Variants in FAM25G observed in about 807,000 individuals in gnomAD.
FAM25G encodes protein FAM25G.
A neutral mutation model predicts 6.4 loss-of-function variants in FAM25G; 3 were observed. That is an observed-to-expected ratio of 0.47 (90% confidence interval 0.21 to 1.21). The LOEUF (loss-of-function observed/expected upper bound fraction) is 1.21, where lower values mean the gene tolerates loss of function less well. Among genes scored for constraint, FAM25G ranks in the 50% most tolerant of loss-of-function variants. FAM25G has a pLI of 0.22. For missense variants in FAM25G, 34 were observed against 76.0 expected (o/e 0.45, Z 2.06); for synonymous variants, 15 against 31.3 (o/e 0.48, Z 1.74).
At chr10:47,490,191 C>A (rs1338251771) in intron 1 of FAM25G, 1 of 179,474 alleles carries the variant, frequency 5.6e-6, no homozygotes, top group African/African-American at 2.4e-5. Flanking sequence ...AAACGGAATT[C>A]TCTGCCTACT....
intron 2 of FAM25G, among the ~76,000 whole-genome samples, chr10:47,488,441 C>A: frequency 6.8e-6 from 1 of 147,190 alleles, no homozygotes; most frequent in East Asian, 2.0e-4. Context: ...GAACTCCTGA[C>A]CTCAGGTGGC....
At chr10:47,487,782 T>G (rs1432178600) in intron 2 of FAM25G, among the ~76,000 whole-genome samples, 4 of 147,842 alleles carry the variant, frequency 2.7e-5, no homozygotes, top group Non-Finnish European at 5.9e-5. Context: ...GTGTTTTTTT[T>G]TTTGGCTATA....
intron 2 of FAM25G, among the ~76,000 whole-genome samples, 174 bp downstream of exon 2, chr10:47,489,412 G>A (rs1840107736): frequency 2.0e-5 from 3 of 150,790 alleles, no homozygotes; most frequent in Non-Finnish European, 3.0e-5. Context: ...GTGTCCTAAC[G>A]CAGTACAGTC....
At chr10:47,489,066 G>A (rs1276742816) in intron 2 of FAM25G, among the ~76,000 whole-genome samples, 1 of 148,296 alleles carries the variant, frequency 6.7e-6, no homozygotes, top group Non-Finnish European at 1.5e-5. Flanking sequence ...AGCCCAGGCT[G>A]GAGTGCAGTG....
At chr10:47,490,205 G>C (rs1402059911) in intron 1 of FAM25G, 1 of 176,998 alleles carries the variant, frequency 5.6e-6, no homozygotes, top group Non-Finnish European at 1.2e-5. Context: ...GCCTACTTCA[G>C]AGTTTTTTAA....
intron 1 of FAM25G, among the ~76,000 whole-genome samples, chr10:47,490,038 A>T (rs1840121504): frequency 6.7e-6 from 1 of 149,928 alleles, no homozygotes; most frequent in African/African-American, 2.5e-5. Context: ...ATGAGCAGGC[A>T]GTCTTGCCAG....
chr10:47,490,140 C>T (rs1444201175), intron 1 of FAM25G: 1 of 213,584 alleles, frequency 4.7e-6, no homozygotes, highest in African/African-American at 2.3e-5. Context: ...TCCAAAGCCT[C>T]ATCCACTAAG....
rs1160121365 is a variant in FAM25G at position 47,488,713 on chromosome 10, ATTTTTTTTTTTTTTTTT to A, written c.136+856_136+872del. Among the ~76,000 whole-genome samples the A allele has an allele frequency of 1.9e-3, 117 of 62,126 alleles. 1 individual carries two copies. Among genetic ancestry groups the A allele is most frequent in the Non-Finnish European group, 2.6e-3 (95 of 36,472 alleles). 40.8% of individuals were successfully genotyped at this position (62,126 alleles called of 152,430 possible). ...TTTAACATAGAATTTTACATGTTAA[ATTTTTTTTTTTTTTTTT>A]TTTTTTTTTTTTTTTGAGACAGAGT... On this transcript the variant is annotated intron_variant, in intron 2 of 2. Transcript: ENST00000452267.
At chr10:47,488,036 A>T (rs1260518442) in intron 2 of FAM25G, among the ~76,000 whole-genome samples, 2 of 141,496 alleles carry the variant, frequency 1.4e-5, no homozygotes, top group African/African-American at 5.1e-5. Context: ...CACATAAAAG[A>T]GACCACGGAG....
intron 2 of FAM25G, among the ~76,000 whole-genome samples, chr10:47,488,518 T>G (rs1486988215): frequency 0.032 from 4,875 of 151,242 alleles, 331 homozygotes; most frequent in African/African-American, 0.11. Context: ...GCCTATGGTA[T>G]TTTATAAGAG....
At position 47,488,001 on chromosome 10, in the gene FAM25G, C is replaced by A. The variant is rs3006288; in HGVS notation, c.137-593G>T. Among the ~76,000 whole-genome samples, 33 of 147,400 alleles carry A rather than the reference C, an allele frequency of 2.2e-4. 1 individual carries two copies. The highest frequency in any genetic ancestry group is 7.3e-4 in the African/African-American group (29 of 39,900). ...AATGTAATGATATTAAGGGGTGGGG[C>A]CTTTGGGAGGTTGAAATTAGCACCC... On this transcript the variant is annotated intron_variant, in intron 2 of 2. Transcript: ENST00000452267.
intron 2 of FAM25G, among the ~76,000 whole-genome samples, chr10:47,488,528 G>A (rs1312614243): frequency 6.6e-6 from 1 of 151,230 alleles, no homozygotes; most frequent in Non-Finnish European, 1.5e-5. Flanking sequence ...TTTTATAAGA[G>A]CAGCCTGAGC....
At chr10:47,488,485 A>C (rs1438057388) in intron 2 of FAM25G, among the ~76,000 whole-genome samples, 1 of 150,708 alleles carries the variant, frequency 6.6e-6, no homozygotes, top group Non-Finnish European at 1.5e-5. Context: ...GGCTAGGATT[A>C]CAGGCGTGAG....
intron 2 of FAM25G, among the ~76,000 whole-genome samples, chr10:47,488,554 C>T (rs1565823442): frequency 6.6e-6 from 1 of 151,192 alleles, no homozygotes; most frequent in African/African-American, 2.5e-5. Context: ...TGTTTATCTC[C>T]TAGTAAGTTA....
rs1840065380 is a variant in FAM25G at position 47,487,305 on chromosome 10, T to A, written c.240A>T (p.Ala80=). ...GTCCAAGTTTGTCCAGACTTTCTGCTGCATGGGTGATGGCATTTGTGACTG... is the reference window on the plus strand; with the variant it reads ...GTCCAAGTTTGTCCAGACTTTCTGCAGCATGGGTGATGGCATTTGTGACTG... ...TNTVTNAITH[A]AESLDKLGQ is the part of the protein sequence containing the mutation. The change falls in exon 3 of 3, where the codon GCA becomes GCT. Residue 80 remains alanine, a synonymous_variant. Transcript: ENST00000452267. The A allele has an allele frequency of 1.0e-6, 1 of 954,968 alleles. No homozygotes were observed. The highest frequency in any genetic ancestry group is 1.5e-6 in the Non-Finnish European group (1 of 663,078). 59.2% of individuals were successfully genotyped at this position (954,968 alleles called of 1,614,324 possible). A position where few individuals can be genotyped will look rare whatever the true frequency, so the allele number is the denominator to read the frequency against.
chr10:47,487,524 C>T, intron 2 of FAM25G, 116 bp from the exon 3 acceptor site: 1 of 485,284 alleles, frequency 2.1e-6, no homozygotes, highest in Admixed American at 4.0e-5. Context: ...CCCGATGGGA[C>T]CAAGGGCAGC....
chr10:47,489,013 C>CCATGTT (rs1840098859), intron 2 of FAM25G, among the ~76,000 whole-genome samples: 1 of 146,244 alleles, frequency 6.8e-6, no homozygotes. Flanking sequence ...CCGCCCCCAG[C>CCATGTT]AATTATTTTT....
intron 1 of FAM25G, chr10:47,490,221 G>A (rs1440504381): frequency 1.7e-5 from 3 of 175,536 alleles, no homozygotes; most frequent in Admixed American, 1.1e-4. Flanking sequence ...TTTAAAGTGT[G>A]GGTGGTAGCG....
intron 2 of FAM25G, among the ~76,000 whole-genome samples, chr10:47,488,712 A>ATTTTTT (rs1840088979): frequency 6.3e-5 from 6 of 95,954 alleles, no homozygotes; most frequent in Admixed American, 1.2e-4. Flanking sequence ...TTACATGTTA[A>ATTTTTT]ATTTTTTTTT....
Sources: allele counts gnomAD v4.1 joint callset (sites outside exome capture counted in the v4.1 genomes callset), GRCh38; gene constraint gnomAD v4.1.1; transcripts MANE v1.5; gene names NCBI Gene and HGNC (gene_info 2026-07-23, HGNC 2026-07-21).